The following RWDD2A variants were observed in gnomAD, a reference collection of about 807,000 sequenced individuals.
The protein encoded by RWDD2A is RWD domain-containing protein 2A.
RWDD2A carries 15 observed loss-of-function variants against 23.1 expected under a neutral mutation model. The ratio of observed to expected loss-of-function variants is 0.65; its 90% CI spans 0.43 to 1.00. The LOEUF is 1.00. RWDD2A is among the 50% of genes least tolerant of loss of function. RWDD2A has a pLI of 0.00. For synonymous variants in RWDD2A, 103 were observed against 123.0 expected (o/e 0.84, Z 1.08); for missense variants, 310 against 341.7 (o/e 0.91, Z 0.73).
rs1194207746 is a variant in RWDD2A at position 83,198,003 on chromosome 6, C to T, written c.*1731C>T. The T allele has an allele frequency of 6.6e-6, 1 of 152,204 alleles. No homozygotes were observed. The highest frequency in any genetic ancestry group is 1.5e-5 in the Non-Finnish European group (1 of 68,048). 9.4% of individuals were successfully genotyped at this position (152,204 alleles called of 1,614,324 possible). A position where few individuals can be genotyped will look rare whatever the true frequency, so the allele number is the denominator to read the frequency against. ...TGCTGGAACTCAGGCTGGAGCCTGA[C>T]ACTTTGCCTATATGCAAAGGGAAGA... On this transcript the variant is annotated 3_prime_UTR_variant, in exon 3 of 3. Coordinates refer to ENST00000369724, the MANE Select transcript of RWDD2A (RefSeq NM_033411.5).
Position 83,197,209 on chromosome 6 carries a change from C to G in RWDD2A, c.*937C>G, listed in dbSNP as rs1789620173. On this transcript the variant is annotated 3_prime_UTR_variant, in exon 3 of 3. Coordinates refer to ENST00000369724, the MANE Select transcript of RWDD2A (RefSeq NM_033411.5). ...AAAAGATAAACACATGGTTCCTTGTCTACAAAGTATTCGCCTGTTTCAATC... is the reference window on the plus strand; with the variant it reads ...AAAAGATAAACACATGGTTCCTTGTGTACAAAGTATTCGCCTGTTTCAATC... 6.6e-6 allele frequency: 1 copy of G among 152,122 alleles called. No homozygotes were observed. The highest frequency in any genetic ancestry group is 1.5e-5 in the Non-Finnish European group (1 of 68,044). 9.4% of individuals were successfully genotyped at this position (152,122 alleles called of 1,614,324 possible).
intron 1 of RWDD2A, 76 bp downstream of exon 1, chr6:83,193,519 A>C (rs897549097): frequency 6.6e-6 from 1 of 152,024 alleles, no homozygotes; most frequent in African/African-American, 2.4e-5. Context: ...GCGGAGGCAC[A>C]GCCTCCGCCT....
intron 1 of RWDD2A, chr6:83,194,071 TC>T (rs1392240337): frequency 6.2e-6 from 1 of 160,430 alleles, no homozygotes; most frequent in African/African-American, 2.4e-5. Flanking sequence ...CCCCAGCCTT[TC>T]CCAGAATTCA....
intron 1 of RWDD2A, 29 bp from the exon 2 acceptor site, chr6:83,194,282 AG>A: frequency 1.7e-6 from 1 of 595,330 alleles, no homozygotes; most frequent in South Asian, 2.1e-5. Context: ...GAAATAAAGA[AG>A]AGTGCAAGTG....
In RWDD2A at chr6:83,194,336, G is replaced by A; in HGVS notation, c.-116G>A. On this transcript the variant is annotated 5_prime_UTR_variant, in exon 2 of 3. Coordinates refer to ENST00000369724, the MANE Select transcript of RWDD2A (RefSeq NM_033411.5). ...GCTCTCGGTGCAAAGCGTTCCTGCA[G>A]AATTGCTTCCACGTAAAGGGACCTT... 3 of 821,480 alleles carry A rather than the reference G, an allele frequency of 3.7e-6. No individual in the cohort carries two copies. Among genetic ancestry groups the A allele is most frequent in the Non-Finnish European group, 5.7e-6 (3 of 528,182 alleles). The allele number at this position is 821,480 out of a possible 1,614,324, so 50.9% of individuals were successfully genotyped here.
Position 83,194,449 on chromosome 6 carries a change from A to G in RWDD2A, c.-3A>G. Reference sequence around the variant, plus strand: ...TTTCCAGGCAGGCTGATTGCGAGGCAACATGTCTGCTTCGGTGAAAGAAAG... The same window carrying G: ...TTTCCAGGCAGGCTGATTGCGAGGCGACATGTCTGCTTCGGTGAAAGAAAG... On this transcript the variant is annotated 5_prime_UTR_variant, in exon 2 of 3. Coordinates refer to ENST00000369724, the MANE Select transcript of RWDD2A (RefSeq NM_033411.5). 1.2e-6 allele frequency: 2 copies of G among 1,613,544 alleles called. No homozygotes were observed. The highest frequency in any genetic ancestry group is 1.7e-6 in the Non-Finnish European group (2 of 1,179,800).
At position 83,195,557 on chromosome 6, in the gene RWDD2A, T is replaced by A. The variant is rs751835872; in HGVS notation, c.202-38T>A. On this transcript the variant is annotated intron_variant, in intron 2 of 2. Transcript: ENST00000369724. ...GCTATTGATAAACTAGCTTATGTGATGTTATGGTATTTAAATCTATTTGAT... is the reference window on the plus strand; with the variant it reads ...GCTATTGATAAACTAGCTTATGTGAAGTTATGGTATTTAAATCTATTTGAT... 58 of 1,539,866 alleles carry A rather than the reference T, an allele frequency of 3.8e-5. No homozygotes were observed. In the Admixed American group the frequency reaches 9.8e-4, roughly 26 times the overall value.
At position 83,196,404 on chromosome 6, in the gene RWDD2A, C is replaced by G. The variant is rs971501613; in HGVS notation, c.*132C>G. ...CAGCTCCAGAATTTTCACCTGGTAA[C>G]GAATTTCAACTGACAGTGAAATGAA... is the stretch of plus-strand genomic sequence containing the variant. On this transcript the variant is annotated 3_prime_UTR_variant, in exon 3 of 3. Coordinates refer to ENST00000369724, the MANE Select transcript of RWDD2A (RefSeq NM_033411.5). 3.5e-6 allele frequency: 2 copies of G among 566,126 alleles called. No individual in the cohort carries two copies. The highest frequency in any genetic ancestry group is 7.5e-5 in the Admixed American group (2 of 26,586). The allele number at this position is 566,126 out of a possible 1,614,324, so 35.1% of individuals were successfully genotyped here. A position where few individuals can be genotyped will look rare whatever the true frequency, so the allele number is the denominator to read the frequency against.
chr6:83,194,185 G>C, intron 1 of RWDD2A, 127 bp from the exon 2 acceptor site: 2 of 378,514 alleles, frequency 5.3e-6, no homozygotes, highest in Non-Finnish European at 9.6e-6. Flanking sequence ...GGGTGCGGGA[G>C]GCGGGAACCC....
In RWDD2A at chr6:83,196,837, G is replaced by C. The variant is rs527554949; in HGVS notation, c.*565G>C. On this transcript the variant is annotated 3_prime_UTR_variant, in exon 3 of 3. Transcript: ENST00000369724. ...CAAGTAGCTGGGACTACAGGCGTGCGCCACCACGCCCAGCTAATTGTTATA... is the reference window on the plus strand; with the variant it reads ...CAAGTAGCTGGGACTACAGGCGTGCCCCACCACGCCCAGCTAATTGTTATA... The C allele has an allele frequency of 6.6e-6, 1 of 152,160 alleles. No individual in the cohort carries two copies. The highest frequency in any genetic ancestry group is 6.5e-5 in the Admixed American group (1 of 15,272). The allele number at this position is 152,160 out of a possible 1,614,324, so 9.4% of individuals were successfully genotyped here. A position where few individuals can be genotyped will look rare whatever the true frequency, so the allele number is the denominator to read the frequency against.
Position 83,195,664 on chromosome 6 carries a change from T to C in RWDD2A, c.271T>C (p.Ser91Pro). 1 of 1,614,198 alleles carries C rather than the reference T, an allele frequency of 6.2e-7. No individual in the cohort carries two copies. The highest frequency in any genetic ancestry group is 8.5e-7 in the Non-Finnish European group (1 of 1,180,032). Residue 91 changes from serine (S) to proline (P), a missense_variant, in exon 3 of 3, where the codon TCA (serine) becomes CCA (proline). Physicochemically the swap from Ser to Pro is moderately conservative, Grantham distance 74. Transcript: ENST00000369724. ...PYVALQLFGR[S>P]SELDRHQQLL... ...TGTAGCATTGCAGCTGTTTGGACGG[T>C]CATCTGAACTTGACAGACATCAGCA...
intron 2 of RWDD2A, among the ~76,000 whole-genome samples, 184 bp downstream of exon 2, chr6:83,194,836 T>C (rs1789495493): frequency 6.6e-6 from 1 of 152,258 alleles, no homozygotes; most frequent in Non-Finnish European, 1.5e-5. Context: ...CATATACACC[T>C]TTTTAACAAA....
intron 2 of RWDD2A, 124 bp downstream of exon 2, chr6:83,194,776 C>A (rs1324927004): frequency 4.3e-6 from 3 of 704,898 alleles, no homozygotes; most frequent in Non-Finnish European, 7.1e-6. Context: ...TTGAAAGATA[C>A]GGAATGCTCT....
intron 2 of RWDD2A, among the ~76,000 whole-genome samples, chr6:83,195,328 G>A (rs191021877): frequency 1.3e-5 from 2 of 152,300 alleles, no homozygotes; most frequent in East Asian, 1.9e-4. Flanking sequence ...TTTGTTTAAT[G>A]TGTGTCTCCT....
In RWDD2A at chr6:83,195,764, T is replaced by C. The variant is rs1191915958; in HGVS notation, c.371T>C (p.Ile124Thr). The change falls in exon 3 of 3, where the codon ATC becomes ACC. Residue 124 changes from isoleucine (I) to threonine (T), a missense_variant. Physicochemically the swap from Ile to Thr is moderately conservative, Grantham distance 89. Coordinates refer to ENST00000369724, the MANE Select transcript of RWDD2A (RefSeq NM_033411.5). ...DPGELCVCAA[I>T]QWLQDNSASY... ...GGTGAGCTCTGTGTATGTGCAGCAATCCAGTGGCTACAGGACAACAGTGCA... is the reference window on the plus strand; with the variant it reads ...GGTGAGCTCTGTGTATGTGCAGCAACCCAGTGGCTACAGGACAACAGTGCA... 3 of 1,614,164 alleles carry C rather than the reference T, an allele frequency of 1.9e-6. No homozygotes were observed. The highest frequency in any genetic ancestry group is 3.3e-4 in the Middle Eastern group (2 of 6,060).
chr6:83,196,028 G>T lies in RWDD2A; in HGVS notation c.635G>T (p.Arg212Met). 1 of 1,614,062 alleles carries T rather than the reference G, an allele frequency of 6.2e-7. No homozygotes were observed. Among genetic ancestry groups the T allele is most frequent in the Non-Finnish European group, 8.5e-7 (1 of 1,179,954 alleles). ...EHCEEFWHTI[R>M]YPNWKHISCK... ...TGTGAGGAGTTCTGGCACACAATTA[G>T]GTACCCCAATTGGAAGCACATTTCC... Residue 212 changes from arginine (R) to methionine (M), a missense_variant, in exon 3 of 3, where the codon AGG becomes ATG. Physicochemically the swap from Arg to Met is moderately conservative, Grantham distance 91. Transcript: ENST00000369724.
Position 83,195,905 on chromosome 6 carries a change from G to T in RWDD2A, c.512G>T (p.Arg171Met). ...CACCATATATATCAGCAGGACCTAAGGAAAAAGATTTTGGATGTTGGGAAA... is the reference window on the plus strand; with the variant it reads ...CACCATATATATCAGCAGGACCTAATGAAAAAGATTTTGGATGTTGGGAAA... ...YSHHIYQQDL[R>M]KKILDVGKRL... The change falls in exon 3 of 3, where the codon AGG (arginine) becomes ATG (methionine). Residue 171 changes from arginine (R) to methionine (M), a missense_variant. By Grantham distance (91) the Arg-to-Met change is moderately conservative. Transcript: ENST00000369724. 1 of 1,614,204 alleles carries T rather than the reference G, an allele frequency of 6.2e-7. No homozygotes were observed. The highest frequency in any genetic ancestry group is 8.5e-7 in the Non-Finnish European group (1 of 1,180,044).
At position 83,196,096 on chromosome 6, in the gene RWDD2A, G is replaced by C; in HGVS notation, c.703G>C (p.Asp235His). The C allele has an allele frequency of 1.2e-6, 2 of 1,613,866 alleles. No individual in the cohort carries two copies. The highest frequency in any genetic ancestry group is 1.7e-6 in the Non-Finnish European group (2 of 1,179,894). The change falls in exon 3 of 3, where the codon GAC (aspartate) becomes CAC (histidine). Residue 235 changes from aspartate (D) to histidine (H), a missense_variant. By Grantham distance (81) the Asp-to-His change is moderately conservative. Transcript: ENST00000369724. ...ESVETEGNGE[D>H]LRLFHSFEEL... The stretch of plus-strand genomic sequence containing the variant: ...CGTGGAGACAGAAGGAAATGGTGAG[G>C]ACCTGCGCCTTTTCCATTCTTTTGA...
At chr6:83,194,746 C>A in intron 2 of RWDD2A, 94 bp downstream of exon 2, 1 of 904,218 alleles carries the variant, frequency 1.1e-6, no homozygotes, top group Non-Finnish European at 1.7e-6. Context: ...TAGAAATATT[C>A]CAGGTGCATA....
Sources: allele counts gnomAD v4.1 joint callset (sites outside exome capture counted in the v4.1 genomes callset), GRCh38; gene constraint gnomAD v4.1.1; transcripts MANE v1.5; gene names NCBI Gene and HGNC (gene_info 2026-07-23, HGNC 2026-07-21).